Variants in R3HDM1 observed in about 807,000 individuals in gnomAD.
The protein encoded by R3HDM1 is R3H domain-containing protein 1.
Under a neutral mutation model 141.1 loss-of-function variants are expected in R3HDM1, and 46 were observed. That is an observed-to-expected ratio of 0.33 (90% confidence interval 0.26 to 0.42). The LOEUF (loss-of-function observed/expected upper bound fraction) is 0.42. R3HDM1 is among the 10% of genes least tolerant of loss of function. R3HDM1 has a pLI of 1.00. For synonymous variants in R3HDM1, 435 were observed against 472.9 expected, an observed-to-expected ratio of 0.92 and a Z score of 1.04; for missense variants, 1,184 against 1,368.3, an observed-to-expected ratio of 0.87 and a Z score of 2.12.
At chr2:135,639,163 T>C in intron 14 of R3HDM1, 41 bp downstream of exon 14, 1 of 1,572,750 alleles carries the variant, frequency 6.4e-7, no homozygotes, top group African/African-American at 1.4e-5. Flanking sequence ...AAGTCATTAG[T>C]TTTCCTAATG....
chr2:135,611,072 C>G (rs549504161), intron 3 of R3HDM1, among the ~76,000 whole-genome samples: 1 of 149,312 alleles, frequency 6.7e-6, no homozygotes, highest in Admixed American at 6.7e-5. Context: ...CCAGTGCACT[C>G]CAGCCTGGGC....
intron 21 of R3HDM1, among the ~76,000 whole-genome samples, chr2:135,707,046 G>T (rs538956889): frequency 6.6e-6 from 1 of 152,186 alleles, no homozygotes; most frequent in Admixed American, 6.5e-5. Flanking sequence ...GCGGCTGGCT[G>T]GGCGGGGGGC....
Position 135,628,786 on chromosome 2 carries a change from C to T in R3HDM1, c.498-2932C>T, listed in dbSNP as rs1415764707. Among the ~76,000 whole-genome samples, 9 of 152,060 alleles carry T rather than the reference C, an allele frequency of 5.9e-5. 2 individuals carry two copies. In the South Asian group the frequency reaches 1.5e-3, roughly 25 times the overall value. ...GATTACAGGCATGCGCCACCACGCCCGGCTATTTTTGTATTTTTAGTAGAG... is the reference window on the plus strand; with the variant it reads ...GATTACAGGCATGCGCCACCACGCCTGGCTATTTTTGTATTTTTAGTAGAG... On this transcript the variant is annotated intron_variant, in intron 7 of 26. Transcript: ENST00000683871.
intron 21 of R3HDM1, among the ~76,000 whole-genome samples, chr2:135,703,860 A>G (rs948273950): frequency 1.3e-5 from 2 of 152,218 alleles, no homozygotes; most frequent in African/African-American, 4.8e-5. Flanking sequence ...CACAAAAAAT[A>G]TATATAAAAT....
intron 16 of R3HDM1, among the ~76,000 whole-genome samples, chr2:135,646,490 C>T (rs1338045693): frequency 6.6e-6 from 1 of 151,544 alleles, no homozygotes; most frequent in Admixed American, 6.6e-5. Context: ...GTTAGTTATA[C>T]CTCTTTTTCC....
chr2:135,704,156 T>C (rs2074588399), intron 21 of R3HDM1, among the ~76,000 whole-genome samples: 1 of 152,156 alleles, frequency 6.6e-6, no homozygotes, highest in Non-Finnish European at 1.5e-5. Context: ...AATTTTTGTA[T>C]TTTTAGTAGA....
intron 3 of R3HDM1, among the ~76,000 whole-genome samples, chr2:135,606,965 T>G (rs1413318187): frequency 7.1e-6 from 1 of 141,652 alleles, no homozygotes; most frequent in Non-Finnish European, 1.5e-5. Flanking sequence ...AGAAACCTGG[T>G]TTTTTTGGGT....
intron 1 of R3HDM1, among the ~76,000 whole-genome samples, chr2:135,537,611 A>ATTTTG (rs2104882969): frequency 1.6e-5 from 1 of 64,156 alleles, no homozygotes; most frequent in East Asian, 4.3e-4. Context: ...GTGAGCCCTT[A>ATTTTG]TTTTATTTTA....
chr2:135,596,287 C>T (rs946634915), intron 1 of R3HDM1, among the ~76,000 whole-genome samples: 27 of 152,224 alleles, frequency 1.8e-4, no homozygotes, highest in Non-Finnish European at 3.1e-4. Context: ...CATGAGCCAC[C>T]GCGCCCAGCC....
chr2:135,648,070 A>C (rs1166315250), intron 16 of R3HDM1, among the ~76,000 whole-genome samples: 1 of 152,180 alleles, frequency 6.6e-6, no homozygotes, highest in Non-Finnish European at 1.5e-5. Context: ...TGGTTATCTG[A>C]CTTAATAACA....
chr2:135,601,759 C>A (rs2059636351), intron 1 of R3HDM1, among the ~76,000 whole-genome samples: 1 of 152,168 alleles, frequency 6.6e-6, no homozygotes, highest in Non-Finnish European at 1.5e-5. Flanking sequence ...TAACCCCCAA[C>A]TAAAGCTATT....
At chr2:135,613,956 A>G (rs1456321773) in intron 3 of R3HDM1, among the ~76,000 whole-genome samples, 1 of 152,214 alleles carries the variant, frequency 6.6e-6, no homozygotes, top group African/African-American at 2.4e-5. Context: ...AAGTTTTTTA[A>G]AATATATTAA....
chr2:135,676,896 T>C (rs1399822336), intron 20 of R3HDM1, among the ~76,000 whole-genome samples: 1 of 152,132 alleles, frequency 6.6e-6, no homozygotes, highest in East Asian at 1.9e-4. Context: ...AATAGCCTAG[T>C]TGGGAAGATA....
At chr2:135,626,209 G>GTGTGTGCT (rs1553576638) in intron 7 of R3HDM1, among the ~76,000 whole-genome samples, 20 of 143,334 alleles carry the variant, frequency 1.4e-4, no homozygotes, top group South Asian at 4.3e-4. Flanking sequence ...GCGTGCGTGC[G>GTGTGTGCT]TGCTTGCTTG....
chr2:135,695,691 C>T (rs2073136227), intron 21 of R3HDM1, among the ~76,000 whole-genome samples: 1 of 152,096 alleles, frequency 6.6e-6, no homozygotes, highest in Non-Finnish European at 1.5e-5. Flanking sequence ...AGCCAGAAGA[C>T]AGTGGAGCAA....
chr2:135,572,619 A>G (rs1037587456), intron 1 of R3HDM1, among the ~76,000 whole-genome samples: 2 of 152,236 alleles, frequency 1.3e-5, no homozygotes, highest in African/African-American at 4.8e-5. Flanking sequence ...TTGCTGGGGA[A>G]ACAGGGTTGT....
At chr2:135,630,305 A>C (rs1021089735) in intron 7 of R3HDM1, among the ~76,000 whole-genome samples, 22 of 147,300 alleles carry the variant, frequency 1.5e-4, no homozygotes, top group East Asian at 5.8e-4. Context: ...AAAAAAAAAA[A>C]AAACAAAAAA....
intron 18 of R3HDM1, among the ~76,000 whole-genome samples, chr2:135,656,194 C>T (rs2065868983): frequency 6.6e-6 from 1 of 152,066 alleles, no homozygotes; most frequent in Non-Finnish European, 1.5e-5. Flanking sequence ...TTTTATCTGA[C>T]ATTATAGTGT....
At chr2:135,602,777 C>T in intron 2 of R3HDM1, 69 bp downstream of exon 2, 1 of 1,320,838 alleles carries the variant, frequency 7.6e-7, no homozygotes, top group Non-Finnish European at 9.9e-7. Context: ...AAGCAAGAAG[C>T]CAGTGTCTTA....
Sources: allele counts gnomAD v4.1 joint callset (sites outside exome capture counted in the v4.1 genomes callset), GRCh38; gene constraint gnomAD v4.1.1; transcripts MANE v1.5; gene names NCBI Gene and HGNC (gene_info 2026-07-23, HGNC 2026-07-21).